WRN: variants seen among roughly 807,000 people sequenced by gnomAD.
WRN encodes bifunctional 3'-5' exonuclease/ATP-dependent helicase WRN.
Under a neutral mutation model 180.7 loss-of-function variants are expected in WRN, and 149 were observed. The observed-to-expected ratio is 0.82, with a 90% CI of 0.72 to 0.94. The LOEUF is 0.94. Ranked by LOEUF, WRN falls within the 40% of genes least tolerant of loss-of-function variation. The pLI is 0.00. For missense variants in WRN, 1,661 were observed against 1,700.1 expected, an observed-to-expected ratio of 0.98 and a Z score of 0.40; for synonymous variants, 548 against 568.9, an observed-to-expected ratio of 0.96 and a Z score of 0.52.
chr8:31,132,857 A>C (rs1802241335), intron 24 of WRN, among the ~76,000 whole-genome samples: 2 of 152,204 alleles, frequency 1.3e-5, no homozygotes, highest in South Asian at 4.1e-4. Flanking sequence ...GTAGAACAAA[A>C]TTGTCCTTTT....
chr8:31,068,173 C>A, intron 6 of WRN, 85 bp from the exon 7 acceptor site: 1 of 993,670 alleles, frequency 1.0e-6, no homozygotes, highest in Non-Finnish European at 1.5e-6. Flanking sequence ...GTGAATCATT[C>A]TCTTCGATTT....
chr8:31,049,862 A>G (rs1812020474), intron 1 of WRN, among the ~76,000 whole-genome samples: 1 of 152,066 alleles, frequency 6.6e-6, no homozygotes, highest in South Asian at 2.1e-4. Context: ...GTTTAAAAGA[A>G]GTGACATCAT....
intron 18 of WRN, among the ~76,000 whole-genome samples, chr8:31,109,272 G>A (rs928980783): frequency 1.3e-5 from 2 of 152,148 alleles, no homozygotes; most frequent in African/African-American, 4.8e-5. Context: ...GTACTAGCTT[G>A]TTTAGTAGTA....
In WRN at chr8:31,166,919, T is replaced by A. The variant is rs1474873454; in HGVS notation, c.3983-103T>A. 5.0e-6 allele frequency: 6 copies of A among 1,201,608 alleles called. No homozygotes were observed. The Admixed American group carries it at 9.4e-5, about 19-fold the overall frequency. 74.4% of individuals were successfully genotyped at this position (1,201,608 alleles called of 1,614,324 possible). A position where few individuals can be genotyped will look rare whatever the true frequency, so the allele number is the denominator to read the frequency against. On this transcript the variant is annotated intron_variant, in intron 33 of 34. Coordinates refer to ENST00000298139, the MANE Select transcript of WRN (RefSeq NM_000553.6). The stretch of plus-strand genomic sequence containing the variant: ...AGAGGAAACTTTTCTTTGGCAACCT[T>A]CCACCTTCCTTTCTACAGAATATTT...
intron 7 of WRN, among the ~76,000 whole-genome samples, chr8:31,071,340 T>C (rs2046864065): frequency 6.6e-6 from 1 of 152,080 alleles, no homozygotes; most frequent in Non-Finnish European, 1.5e-5. Context: ...ACTTGGGCTC[T>C]AGAATAAAAA....
At chr8:31,143,513 A>G (rs760947723) in intron 27 of WRN, 37 bp from the exon 28 acceptor site, 49 of 1,452,280 alleles carry the variant, frequency 3.4e-5, no homozygotes, top group Admixed American at 1.2e-4. Flanking sequence ...AGTTTTTTGA[A>G]ACTTTTTTTA....
At chr8:31,117,196 A>C (rs1379007748) in intron 20 of WRN, among the ~76,000 whole-genome samples, 1 of 152,214 alleles carries the variant, frequency 6.6e-6, no homozygotes, top group African/African-American at 2.4e-5. Context: ...GGATTAAAGT[A>C]GAATAACTCT....
intron 20 of WRN, among the ~76,000 whole-genome samples, chr8:31,119,253 G>A (rs989831237): frequency 6.6e-6 from 1 of 151,206 alleles, no homozygotes; most frequent in Non-Finnish European, 1.5e-5. Flanking sequence ...TTATGAAATG[G>A]CATGCAGATA....
At chr8:31,056,391 A>T (rs1264296071) in intron 1 of WRN, among the ~76,000 whole-genome samples, 2 of 152,218 alleles carry the variant, frequency 1.3e-5, no homozygotes. Flanking sequence ...TTGTGACAAA[A>T]TATACACTTA....
intron 1 of WRN, among the ~76,000 whole-genome samples, chr8:31,034,700 A>G (rs145746822): frequency 4.5e-4 from 69 of 152,326 alleles, no homozygotes; most frequent in Non-Finnish European, 8.4e-4. Flanking sequence ...CCCAGGACTC[A>G]TTTCCCAGTT....
chr8:31,037,835 T>C (rs577042167), intron 1 of WRN, among the ~76,000 whole-genome samples: 2 of 152,342 alleles, frequency 1.3e-5, no homozygotes, highest in African/African-American at 4.8e-5. Context: ...AGCTTTGTTC[T>C]TTTAGCTCAA....
At chr8:31,154,534 TA>T (rs1255957235) in intron 31 of WRN, 89 bp from the exon 32 acceptor site, 2 of 1,453,074 alleles carry the variant, frequency 1.4e-6, no homozygotes, top group African/African-American at 2.8e-5. Context: ...TAACTTGTGT[TA>T]TTTTTTTCTT....
intron 1 of WRN, among the ~76,000 whole-genome samples, chr8:31,053,776 A>T (rs1012496335): frequency 6.6e-6 from 1 of 152,218 alleles, no homozygotes; most frequent in Non-Finnish European, 1.5e-5. Context: ...AGTGATGTTT[A>T]ATTGGTGTTA....
chr8:31,100,330 C>T (rs1221830542), intron 17 of WRN, among the ~76,000 whole-genome samples: 1 of 152,166 alleles, frequency 6.6e-6, no homozygotes, highest in Admixed American at 6.5e-5. Context: ...TCCTCCCATA[C>T]CATTTTACAT....
Position 31,141,489 on chromosome 8 carries a change from T to C in WRN, c.3027T>C (p.Asp1009=). The C allele has an allele frequency of 6.2e-7, 1 of 1,614,146 alleles. No homozygotes were observed. The highest frequency in any genetic ancestry group is 1.1e-5 in the South Asian group (1 of 91,070). Residue 1009 remains aspartate, a synonymous_variant, in exon 25 of 35, where the codon GAT becomes GAC. Coordinates refer to ENST00000298139, the MANE Select transcript of WRN (RefSeq NM_000553.6). The part of the protein sequence containing the change: ...RRHSLFGTGK[D]QTESWWKAFS... The stretch of plus-strand genomic sequence containing the variant: ...ACAGTTTATTTGGCACTGGCAAGGA[T>C]CAAACAGAGAGTTGGTGGAAGGCTT...
intron 16 of WRN, among the ~76,000 whole-genome samples, chr8:31,094,526 G>T (rs553421101): frequency 1.8e-4 from 28 of 151,752 alleles, no homozygotes; most frequent in African/African-American, 6.5e-4. Flanking sequence ...GTTTTATTTT[G>T]AGTGGAGATG....
chr8:31,168,604 G>C (rs1330958279), intron 34 of WRN, among the ~76,000 whole-genome samples: 1 of 151,004 alleles, frequency 6.6e-6, no homozygotes, highest in East Asian at 2.0e-4. Flanking sequence ...CCATTTAGGG[G>C]AACAAGGGTG....
intron 30 of WRN, 128 bp downstream of exon 30, chr8:31,147,604 G>A: frequency 2.4e-6 from 2 of 829,786 alleles, no homozygotes; most frequent in East Asian, 2.8e-5. Context: ...GATTCCCCCT[G>A]CTGCGATGCT....
intron 16 of WRN, among the ~76,000 whole-genome samples, chr8:31,093,870 T>C (rs1813854714): frequency 6.6e-6 from 1 of 152,230 alleles, no homozygotes; most frequent in Non-Finnish European, 1.5e-5. Context: ...TGCTCTTTTT[T>C]GTCTGATTTA....
Sources: allele counts gnomAD v4.1 joint callset (sites outside exome capture counted in the v4.1 genomes callset), GRCh38; gene constraint gnomAD v4.1.1; transcripts MANE v1.5; gene names NCBI Gene and HGNC (gene_info 2026-07-23, HGNC 2026-07-21).